Variants in SLC22A5 observed in about 807,000 individuals in gnomAD.
SLC22A5 encodes solute carrier family 22 member 5.
Under a neutral mutation model 56.7 loss-of-function variants are expected in SLC22A5, and 44 were observed. The observed-to-expected ratio is 0.78, with a 90% confidence interval of 0.61 to 1.00. SLC22A5 has a LOEUF of 1.00. Ranked by LOEUF, SLC22A5 falls within the 50% of genes least tolerant of loss-of-function variation. SLC22A5 has a pLI of 0.00. For missense variants in SLC22A5, 675 were observed against 723.0 expected (o/e 0.93, Z 0.76); for synonymous variants, 278 against 292.1 (o/e 0.95, Z 0.49).
intron 3 of SLC22A5, among the ~76,000 whole-genome samples, chr5:132,384,574 G>A (rs1260558427): frequency 6.6e-6 from 1 of 152,142 alleles, no homozygotes; most frequent in Non-Finnish European, 1.5e-5. Flanking sequence ...GTACTTGATG[G>A]TCAATTTACT....
In SLC22A5 at chr5:132,369,816, A is replaced by AGGC; in HGVS notation, c.-151_-149dup. On this transcript the variant is annotated 5_prime_UTR_variant, in exon 1 of 10. Transcript: ENST00000245407. ...TGTAAGGCCAGCCGCGGCAGGACCA[A>AGGC]GGCGGCGGTGTCAGCTCGCGAGCCT... 1 of 926,654 alleles carries AGGC rather than the reference A, an allele frequency of 1.1e-6. No homozygotes were observed. The highest frequency in any genetic ancestry group is 1.5e-6 in the Non-Finnish European group (1 of 645,544). The allele number at this position is 926,654 out of a possible 1,614,324, so 57.4% of individuals were successfully genotyped here. A position where few individuals can be genotyped will look rare whatever the true frequency, so the allele number is the denominator to read the frequency against.
chr5:132,383,433 A>T (rs1387646386), intron 2 of SLC22A5: 1 of 152,656 alleles, frequency 6.6e-6, no homozygotes, highest in Non-Finnish European at 1.5e-5. Flanking sequence ...CACACTGATG[A>T]TGCAGTTCAG....
chr5:132,373,526 C>T (rs1302068483), intron 1 of SLC22A5, among the ~76,000 whole-genome samples: 1 of 151,970 alleles, frequency 6.6e-6, no homozygotes, highest in South Asian at 2.1e-4. Context: ...TTCCCAGCTA[C>T]TTGGGAGACT....
intron 1 of SLC22A5, among the ~76,000 whole-genome samples, chr5:132,375,582 G>C (rs181983713): frequency 6.6e-6 from 1 of 152,304 alleles, no homozygotes; most frequent in East Asian, 1.9e-4. Context: ...TGCCAATTAT[G>C]TATGAGGTAT....
At chr5:132,381,207 A>G (rs1351679482) in intron 2 of SLC22A5, 4 of 152,368 alleles carry the variant, frequency 2.6e-5, no homozygotes, top group Admixed American at 2.6e-4. Context: ...ATTCCCAGGG[A>G]AACTGGAAAC....
At chr5:132,388,534 A>G (rs1422499375) in intron 5 of SLC22A5, among the ~76,000 whole-genome samples, 1 of 152,166 alleles carries the variant, frequency 6.6e-6, no homozygotes, top group Non-Finnish European at 1.5e-5. Flanking sequence ...AATAAACCAC[A>G]CAGCCAGGTA....
At position 132,370,047 on chromosome 5, in the gene SLC22A5, C is replaced by G; in HGVS notation, c.75C>G (p.Leu25=). 1 of 1,613,392 alleles carries G rather than the reference C, an allele frequency of 6.2e-7. No homozygotes were observed. Among genetic ancestry groups the G allele is most frequent in the Non-Finnish European group, 8.5e-7 (1 of 1,179,756 alleles). Residue 25 remains leucine, a synonymous_variant, in exon 1 of 10, where the codon CTC becomes CTG. Coordinates refer to ENST00000245407, the MANE Select transcript of SLC22A5 (RefSeq NM_003060.4). ...GPFQRLIFFL[L]SASIIPNGFT... ...TCCAGCGCCTCATCTTCTTCCTGCTCAGCGCCAGCATCATCCCCAATGGCT... is the reference window on the plus strand; with the variant it reads ...TCCAGCGCCTCATCTTCTTCCTGCTGAGCGCCAGCATCATCCCCAATGGCT...
In SLC22A5 at chr5:132,392,633, A is replaced by C; in HGVS notation, c.1450+18A>C. The stretch of plus-strand genomic sequence containing the variant: ...TTACCTTGGTAAGTCCCATGAGCCA[A>C]GGGCACACTAGAGCAACGGGATGGA... On this transcript the variant is annotated intron_variant, in intron 8 of 9. Coordinates refer to ENST00000245407, the MANE Select transcript of SLC22A5 (RefSeq NM_003060.4). The C allele has an allele frequency of 6.2e-7, 1 of 1,609,844 alleles. No individual in the cohort carries two copies. The highest frequency in any genetic ancestry group is 1.1e-5 in the South Asian group (1 of 90,978).
In SLC22A5 at chr5:132,392,508, T is replaced by C; in HGVS notation, c.1343T>C (p.Val448Ala). ...GVTAAFSMVYVYTAELYPTVV... is the reference protein window; with the variant it reads ...GVTAAFSMVYAYTAELYPTVV... ...ACGGCTGCCTTTTCCATGGTCTACG[T>C]GTACACAGCCGAGCTGTATCCCACA... The change falls in exon 8 of 10, where the codon GTG (valine) becomes GCG (alanine). Residue 448 changes from valine (V) to alanine (A), a missense_variant. Transcript: ENST00000245407. The C allele has an allele frequency of 1.2e-6, 2 of 1,614,146 alleles. No homozygotes were observed. The highest frequency in any genetic ancestry group is 2.2e-5 in the South Asian group (2 of 91,082).
At chr5:132,383,101 AG>A (rs1351289595) in intron 2 of SLC22A5, 1 of 152,296 alleles carries the variant, frequency 6.6e-6, no homozygotes, top group Non-Finnish European at 1.5e-5. Flanking sequence ...ACCACCACCA[AG>A]TCGAGCAGTA....
At chr5:132,393,389 C>A (rs1049829720) in intron 8 of SLC22A5, among the ~76,000 whole-genome samples, 1 of 152,148 alleles carries the variant, frequency 6.6e-6, no homozygotes, top group Non-Finnish European at 1.5e-5. Context: ...TCAGCATGGC[C>A]CAGAAATAGG....
chr5:132,377,003 T>A (rs1402094107), intron 1 of SLC22A5: 2 of 152,528 alleles, frequency 1.3e-5, no homozygotes, highest in African/African-American at 4.8e-5. Context: ...TGTTCTTGAC[T>A]CCTGCTAGTC....
At chr5:132,378,153 C>T in intron 1 of SLC22A5, 11 of 1,565,856 alleles carry the variant, frequency 7.0e-6, no homozygotes, top group Non-Finnish European at 9.5e-6. Context: ...CTCTCCTCCT[C>T]AAAATGGAAG....
chr5:132,385,628 A>G lies in SLC22A5; in HGVS notation c.824+129A>G. The G allele has an allele frequency of 2.5e-6, 2 of 805,734 alleles. 1 individual carries two copies. The highest frequency in any genetic ancestry group is 4.8e-4 in the Middle Eastern group (2 of 4,126). 49.9% of individuals were successfully genotyped at this position (805,734 alleles called of 1,614,324 possible). On this transcript the variant is annotated intron_variant, in intron 4 of 9. Coordinates refer to ENST00000245407, the MANE Select transcript of SLC22A5 (RefSeq NM_003060.4). ...AGACAGGAAGCATAGATTATAAATT[A>G]TTTCAGAATGTTTTCTCCACACTCA...
In SLC22A5 at chr5:132,378,418, C is replaced by T. The variant is rs757093530; in HGVS notation, c.434C>T (p.Thr145Ile). The T allele has an allele frequency of 2.5e-6, 4 of 1,614,276 alleles. No homozygotes were observed. The South Asian group carries it at 4.4e-5, about 18-fold the overall frequency. ...GAGGACGACTGGAAGGCCCCACTCA[C>T]AATCTCCTTGTTCTTCGTGGGTGTG... Reference protein sequence around the residue: ...VCEDDWKAPLTISLFFVGVLL... With the variant: ...VCEDDWKAPLIISLFFVGVLL... Residue 145 changes from threonine to isoleucine, a missense_variant, in exon 2 of 10, where the codon ACA (threonine) becomes ATA (isoleucine). Transcript: ENST00000245407.
At chr5:132,380,413 A>G (rs139123943) in intron 2 of SLC22A5, 72 of 151,246 alleles carry the variant, frequency 4.8e-4, no homozygotes, top group African/African-American at 1.7e-3. Flanking sequence ...TTTTAAAGCA[A>G]TAGTGTGACA....
At chr5:132,379,740 TC>T (rs1159018212) in intron 2 of SLC22A5, 6 of 152,170 alleles carry the variant, frequency 3.9e-5, no homozygotes, top group Non-Finnish European at 8.8e-5. Context: ...CACCTCGGCC[TC>T]CCAAAGTGCT....
chr5:132,385,600 C>G, intron 4 of SLC22A5, 101 bp downstream of exon 4: 7 of 944,650 alleles, frequency 7.4e-6, no homozygotes, highest in Non-Finnish European at 1.0e-5. Context: ...TTTTGTCTCC[C>G]AGAGACAGGA....
intron 3 of SLC22A5, 115 bp from the exon 4 acceptor site, chr5:132,385,213 C>G (rs1427849830): frequency 1.0e-6 from 1 of 981,714 alleles, no homozygotes; most frequent in Non-Finnish European, 1.6e-6. Context: ...GCGCCATGAA[C>G]TTAGAGAGAG....
Sources: allele counts gnomAD v4.1 joint callset (sites outside exome capture counted in the v4.1 genomes callset), GRCh38; gene constraint gnomAD v4.1.1; transcripts MANE v1.5; gene names NCBI Gene and HGNC (gene_info 2026-07-23, HGNC 2026-07-21).